Variants in RSRC1 observed in about 807,000 individuals in gnomAD.
The protein encoded by RSRC1 is arginine and serine rich coiled-coil 1.
In RSRC1, 39 loss-of-function variants were observed where a neutral mutation model predicts 49.1. The observed-to-expected ratio is 0.79, with a 90% CI of 0.61 to 1.04. The LOEUF is 1.04. RSRC1 is among the 50% of genes least tolerant of loss of function. The pLI is 0.00. For synonymous variants in RSRC1, 143 were observed against 130.8 expected (o/e 1.09, Z -0.63); for missense variants, 388 against 402.4 (o/e 0.96, Z 0.31).
chr3:158,503,769 G>A (rs1739722899), intron 7 of RSRC1, among the ~76,000 whole-genome samples: 1 of 152,098 alleles, frequency 6.6e-6, no homozygotes, highest in Non-Finnish European at 1.5e-5. Flanking sequence ...GTTTCCAGGT[G>A]TTGGGCGAGC....
At chr3:158,235,236 A>C (rs1044045299) in intron 4 of RSRC1, among the ~76,000 whole-genome samples, 1 of 152,106 alleles carries the variant, frequency 6.6e-6, no homozygotes, top group African/African-American at 2.4e-5. Flanking sequence ...ATTCTGTCCC[A>C]GTCTCAGGTT....
chr3:158,182,568 C>G lies in RSRC1; in HGVS notation c.321-20504C>G, dbSNP rs191491492. Reference sequence around the variant, plus strand: ...GCCCAAACATAGTACTTATTGCAGCCTTAGGTTTCCTTAAACTCTCAGAGT... The same window carrying G: ...GCCCAAACATAGTACTTATTGCAGCGTTAGGTTTCCTTAAACTCTCAGAGT... On this transcript the variant is annotated intron_variant, in intron 3 of 9. Transcript: ENST00000611884. 1.1e-4 allele frequency among the ~76,000 whole-genome samples: 16 copies of G among 152,200 alleles called. No individual in the cohort carries two copies. In the East Asian group the frequency reaches 1.4e-3, roughly 13 times the overall value.
At chr3:158,421,573 T>A (rs531463647) in intron 6 of RSRC1, among the ~76,000 whole-genome samples, 1 of 151,958 alleles carries the variant, frequency 6.6e-6, no homozygotes, top group East Asian at 1.9e-4. Context: ...AGATGTAGAA[T>A]GGATAAAATT....
In RSRC1 at chr3:158,354,849, T is replaced by C; in HGVS notation, c.532-8T>C. The C allele has an allele frequency of 6.5e-7, 1 of 1,544,398 alleles. No homozygotes were observed. ...GTATGGTTGAATTTTTTTTTTTTTC[T>C]TTTTTAGCCACCAGCTGAACAGGCC... On this transcript the variant is annotated splice_region_variant and splice_polypyrimidine_tract_variant and intron_variant, in intron 5 of 9. Transcript: ENST00000611884.
intron 3 of RSRC1, among the ~76,000 whole-genome samples, chr3:158,173,783 A>C (rs1413027761): frequency 6.6e-6 from 1 of 152,116 alleles, no homozygotes; most frequent in Admixed American, 6.5e-5. Context: ...ATTAAAAGGA[A>C]CCAACCACTG....
chr3:158,539,383 C>T lies in RSRC1; in HGVS notation c.759+2185C>T, dbSNP rs1054502150. On this transcript the variant is annotated intron_variant, in intron 8 of 9. Coordinates refer to ENST00000611884, the MANE Select transcript of RSRC1 (RefSeq NM_001271838.2). The surrounding 1 kb of genome is among the most constrained non-coding windows in gnomAD (Gnocchi z 4.1). ...TTTAACTAGTTTTACTCTCTGAAAT[C>T]GTATTTCTTTTGTCTGAGTAAATAG... 6.6e-6 allele frequency among the ~76,000 whole-genome samples: 1 copy of T among 151,980 alleles called. No homozygotes were observed. The highest frequency in any genetic ancestry group is 1.9e-4 in the East Asian group (1 of 5,186).
At chr3:158,180,419 C>CGTGTGTGTGT (rs374155981) in intron 3 of RSRC1, among the ~76,000 whole-genome samples, 4,015 of 40,662 alleles carry the variant, frequency 0.099, 292 homozygotes, top group Middle Eastern at 0.16. Flanking sequence ...TTTTTTTTGC[C>CGTGTGTGTGT]GTGTGTGTGT....
At chr3:158,343,769 G>C (rs1730386458) in intron 5 of RSRC1, among the ~76,000 whole-genome samples, 1 of 142,676 alleles carries the variant, frequency 7.0e-6, no homozygotes, top group South Asian at 2.3e-4. Flanking sequence ...TATCCAAAAT[G>C]AAACTAGAGA....
intron 3 of RSRC1, among the ~76,000 whole-genome samples, chr3:158,134,938 G>T (rs1000488981): frequency 8.5e-5 from 13 of 152,092 alleles, no homozygotes; most frequent in Non-Finnish European, 4.4e-5. Flanking sequence ...TAAAACATTT[G>T]AAATGAGGCA....
intron 7 of RSRC1, among the ~76,000 whole-genome samples, chr3:158,507,330 CTATAAT>C (rs1401829926): frequency 6.6e-6 from 1 of 151,812 alleles, no homozygotes; most frequent in East Asian, 1.9e-4. Context: ...AGTAGGGAAA[CTATAAT>C]TAACTATAAT....
chr3:158,490,915 C>G (rs980830661), intron 7 of RSRC1, among the ~76,000 whole-genome samples: 3 of 152,174 alleles, frequency 2.0e-5, no homozygotes, highest in African/African-American at 7.2e-5. Context: ...TGGTGTTGAA[C>G]ACTAATGTGA....
At chr3:158,239,651 C>A (rs1723453892) in intron 4 of RSRC1, among the ~76,000 whole-genome samples, 1 of 152,014 alleles carries the variant, frequency 6.6e-6, no homozygotes. Context: ...TACAGCAAAC[C>A]AACATGGCAC....
Position 158,202,985 on chromosome 3 carries a change from G to A in RSRC1, c.321-87G>A, listed in dbSNP as rs1721145578. 5.5e-6 allele frequency: 6 copies of A among 1,089,492 alleles called. No homozygotes were observed. The African/African-American group carries it at 7.9e-5, about 14-fold the overall frequency. 67.5% of individuals were successfully genotyped at this position (1,089,492 alleles called of 1,614,324 possible). ...CTGAGTCCACAACTAAAACTAAGTA[G>A]TTTTTTTCAGATAATTTAAAAGAGT... On this transcript the variant is annotated intron_variant, in intron 3 of 9. Coordinates refer to ENST00000611884, the MANE Select transcript of RSRC1 (RefSeq NM_001271838.2).
At chr3:158,258,063 A>C (rs554426491) in intron 4 of RSRC1, among the ~76,000 whole-genome samples, 7 of 152,244 alleles carry the variant, frequency 4.6e-5, no homozygotes, top group African/African-American at 1.7e-4. Context: ...TACTCAAGAT[A>C]TGAGTAGTTT....
intron 3 of RSRC1, among the ~76,000 whole-genome samples, chr3:158,126,178 T>G (rs553221727): frequency 3.9e-5 from 6 of 152,252 alleles, no homozygotes; most frequent in African/African-American, 1.4e-4. Flanking sequence ...CAGCTACTTT[T>G]GTGTGTTTTG....
At chr3:158,123,303 G>C (rs1420384576) in intron 2 of RSRC1, among the ~76,000 whole-genome samples, 2 of 152,122 alleles carry the variant, frequency 1.3e-5, no homozygotes, top group South Asian at 2.1e-4. Context: ...CACCGTGCCT[G>C]GCCTTAATTT....
At chr3:158,412,276 A>C (rs1219204177) in intron 6 of RSRC1, among the ~76,000 whole-genome samples, 13 of 152,170 alleles carry the variant, frequency 8.5e-5, no homozygotes, top group Admixed American at 3.9e-4. Flanking sequence ...AATATATGTG[A>C]TTCGAATGTA....
At chr3:158,181,549 T>C (rs956514609) in intron 3 of RSRC1, among the ~76,000 whole-genome samples, 14 of 151,484 alleles carry the variant, frequency 9.2e-5, no homozygotes, top group African/African-American at 3.1e-4. Flanking sequence ...ATAGTTCATT[T>C]TATACAAATT....
chr3:158,477,798 T>TTTTTTATATATA (rs1485762587), intron 7 of RSRC1, among the ~76,000 whole-genome samples: 1 of 89,770 alleles, frequency 1.1e-5, no homozygotes, highest in Non-Finnish European at 2.3e-5. Context: ...CGGGAGGGAT[T>TTTTTTATATATA]TATATATATA....
Sources: gnomAD v4.1 joint callset for allele counts (sites outside exome capture counted in the v4.1 genomes callset) on GRCh38, gnomAD v4.1.1 for gene constraint, Gnocchi (gnomAD v3.1) non-coding constraint, MANE v1.5 for transcripts, NCBI Gene and HGNC (gene_info 2026-07-23, HGNC 2026-07-21) for gene names.